Variants in DEF8 observed in about 807,000 individuals in gnomAD.
DEF8 encodes the protein differentially expressed in FDCP 8 homolog, also known as DEF-8.
A neutral mutation model predicts 59.1 loss-of-function variants in DEF8; 38 were observed. The observed-to-expected ratio is 0.64, with a 90% CI of 0.50 to 0.84. The LOEUF is 0.84. Among genes scored for constraint, DEF8 ranks in the 40% least tolerant of loss-of-function variants. The pLI is 0.00. For missense variants in DEF8, 557 were observed against 615.2 expected (o/e 0.91, Z 1.00); for synonymous variants, 265 against 250.1 (o/e 1.06, Z -0.56).
chr16:89,951,371 A>C (rs984396014), intron 2 of DEF8, among the ~76,000 whole-genome samples: 2 of 151,972 alleles, frequency 1.3e-5, no homozygotes, highest in African/African-American at 4.8e-5. Flanking sequence ...CAGCCTCCCA[A>C]GTAGCTGGGA....
At position 89,954,802 on chromosome 16, in the gene DEF8, CTG is replaced by C. The variant is rs1567788835; in HGVS notation, c.125-366_125-365del. On this transcript the variant is annotated intron_variant, in intron 3 of 12. Coordinates refer to ENST00000563594, the MANE Select transcript of DEF8 (RefSeq NM_001242818.2). This position sits in a 1 kb window ranked among gnomAD's most constrained non-coding sequence, Gnocchi z 4.3. Reference sequence around the variant, plus strand: ...CTGCAGAGACGGCCTGGAGTCGACACTGGGGTTCGTGGATTTTGCTGTGTAGC... The same window carrying C: ...CTGCAGAGACGGCCTGGAGTCGACACGGGTTCGTGGATTTTGCTGTGTAGC... Among the ~76,000 whole-genome samples, 2 of 152,298 alleles carry C rather than the reference CTG, an allele frequency of 1.3e-5. No individual in the cohort carries two copies. The highest frequency in any genetic ancestry group is 2.1e-4 in the South Asian group (1 of 4,832).
chr16:89,951,872 G>T (rs936363719), intron 2 of DEF8, among the ~76,000 whole-genome samples: 2 of 149,830 alleles, frequency 1.3e-5, no homozygotes, highest in African/African-American at 5.0e-5. Context: ...ACATATTTAT[G>T]TAAAAAAGAT....
chr16:89,952,166 G>A (rs547201028), intron 2 of DEF8, among the ~76,000 whole-genome samples: 1 of 152,182 alleles, frequency 6.6e-6, no homozygotes, highest in East Asian at 1.9e-4. Context: ...CGTGAGCCAC[G>A]GCGCCCAGCC....
At chr16:89,959,760 G>A (rs148550197) in intron 6 of DEF8, among the ~76,000 whole-genome samples, 6 of 152,176 alleles carry the variant, frequency 3.9e-5, no homozygotes, top group Admixed American at 3.9e-4. Flanking sequence ...GCCTCCCAAA[G>A]TGCTGGGATT....
chr16:89,962,135 G>A lies in DEF8; in HGVS notation c.921+10G>A, dbSNP rs977967975. 1.9e-6 allele frequency: 3 copies of A among 1,611,738 alleles called. No individual in the cohort carries two copies. The highest frequency in any genetic ancestry group is 2.7e-5 in the African/African-American group (2 of 74,852). ...GCTGGTGGAGATTCGCGTGAGGCTG[G>A]GGCCATGGAAGTGGGGGGCGGGGGC... On this transcript the variant is annotated intron_variant, in intron 9 of 12. Transcript: ENST00000563594.
Position 89,964,178 on chromosome 16 carries a change from T to C in DEF8, c.1011T>C (p.Asp337=), listed in dbSNP as rs763145676. The C allele has an allele frequency of 1.2e-6, 2 of 1,613,718 alleles. No individual in the cohort carries two copies. The highest frequency in any genetic ancestry group is 1.7e-6 in the Non-Finnish European group (2 of 1,179,900). ...CTGCTGGGACTTGGCAGCTCCAGGA[T>C]CGGCAGCATTTTGTGGAGAACGACG... ...MEARLLLQLQ[D]RQHFVENDEM... The change falls in exon 11 of 13, where the codon GAT becomes GAC. Residue 337 remains aspartate, a synonymous_variant. Transcript: ENST00000563594.
At position 89,964,574 on chromosome 16, in the gene DEF8, A is replaced by G; in HGVS notation, c.1252A>G (p.Arg418Gly). The G allele has an allele frequency of 6.4e-7, 1 of 1,561,970 alleles. No homozygotes were observed. Among genetic ancestry groups the G allele is most frequent in the East Asian group, 2.4e-5 (1 of 41,516 alleles). Residue 418 changes from arginine (R) to glycine (G), a missense_variant and splice_region_variant, in exon 12 of 13, where the codon AGG (arginine) becomes GGG (glycine). Physicochemically the swap from Arg to Gly is moderately radical, Grantham distance 125 (BLOSUM62 -2). Transcript: ENST00000563594. ...CGCCGACTGCTCCGCGGTCTTCCACAGGTGGGTGTGGCCTGGGCCCCGCAC... is the reference window on the plus strand; with the variant it reads ...CGCCGACTGCTCCGCGGTCTTCCACGGGTGGGTGTGGCCTGGGCCCCGCAC... ...VCADCSAVFH[R>G]DCYYDNSTTC...
rs746330436 is a variant in DEF8, at chr16:89,967,212, C to G, written c.*1249C>G. 1.5e-5 allele frequency: 6 copies of G among 398,444 alleles called. No homozygotes were observed. Among genetic ancestry groups the G allele is most frequent in the Admixed American group, 4.4e-5 (1 of 22,714 alleles). The allele number at this position is 398,444 out of a possible 1,614,324, so 24.7% of individuals were successfully genotyped here. On this transcript the variant is annotated 3_prime_UTR_variant, in exon 13 of 13. Transcript: ENST00000563594. Reference sequence around the variant, plus strand: ...CTTTTCCCCCACACCCTGGACTGTGCTTGGCTGTTGGTGCACATGGTTGGC... The same window carrying G: ...CTTTTCCCCCACACCCTGGACTGTGGTTGGCTGTTGGTGCACATGGTTGGC...
At position 89,968,057 on chromosome 16, in the gene DEF8, T is replaced by C. The variant is rs1473527505; in HGVS notation, c.*2094T>C. ...TCACTGTCTCATTAAATATACATCC[T>C]TTAGCCTGGTGTGTGTGTGGTGAAT... On this transcript the variant is annotated 3_prime_UTR_variant, in exon 13 of 13. Transcript: ENST00000563594. The C allele has an allele frequency of 6.6e-6, 1 of 152,306 alleles. No homozygotes were observed. The highest frequency in any genetic ancestry group is 1.5e-5 in the Non-Finnish European group (1 of 68,082). The allele number at this position is 152,306 out of a possible 1,614,324, so 9.4% of individuals were successfully genotyped here.
chr16:89,952,217 A>G (rs11859206), intron 2 of DEF8, among the ~76,000 whole-genome samples: 1 of 152,082 alleles, frequency 6.6e-6, no homozygotes, highest in Non-Finnish European at 1.5e-5. Flanking sequence ...GCCTCATTGC[A>G]TTGGGCCTGG....
At chr16:89,955,889 G>A (rs1313412274) in intron 4 of DEF8, among the ~76,000 whole-genome samples, 6 of 151,746 alleles carry the variant, frequency 4.0e-5, no homozygotes, top group South Asian at 2.1e-4. Flanking sequence ...TGGCTAACAC[G>A]GTGAAACCCC....
At position 89,954,167 on chromosome 16, in the gene DEF8, G is replaced by C; in HGVS notation, c.-10-76G>C. On this transcript the variant is annotated intron_variant, in intron 2 of 12. Coordinates refer to ENST00000563594, the MANE Select transcript of DEF8 (RefSeq NM_001242818.2). The surrounding 1 kb of genome is among the most constrained non-coding windows in gnomAD (Gnocchi z 4.3). ...GGCCAGCCTCACCCCAGACACCCCA[G>C]TGTGGTTGGGGAAAGGGGGTGGTCC... 4 of 1,529,250 alleles carry C rather than the reference G, an allele frequency of 2.6e-6. No homozygotes were observed. Among genetic ancestry groups the C allele is most frequent in the Non-Finnish European group, 3.6e-6 (4 of 1,121,010 alleles). 94.7% of individuals were successfully genotyped at this position (1,529,250 alleles called of 1,614,324 possible).
At chr16:89,949,562 C>G (rs1390159150) in intron 2 of DEF8, 49 bp downstream of exon 2, 1 of 1,613,416 alleles carries the variant, frequency 6.2e-7, no homozygotes, top group South Asian at 1.1e-5. Flanking sequence ...GGTGACTTCT[C>G]AGGTTCTCGG....
chr16:89,956,068 G>A (rs1029368088), intron 4 of DEF8, among the ~76,000 whole-genome samples: 5 of 147,566 alleles, frequency 3.4e-5, no homozygotes, highest in African/African-American at 5.3e-5. Flanking sequence ...GTGAGACTCC[G>A]TCTCAAAGAA....
At chr16:89,950,629 T>A (rs879279694) in intron 2 of DEF8, among the ~76,000 whole-genome samples, 5 of 152,010 alleles carry the variant, frequency 3.3e-5, no homozygotes, top group African/African-American at 4.8e-5. Flanking sequence ...CCTCAAATGA[T>A]CCACCCGCCT....
rs1455658714 is a variant in DEF8, at chr16:89,964,474, G to C, written c.1152G>C (p.Gln384His). 6.3e-7 allele frequency: 1 copy of C among 1,592,434 alleles called. No homozygotes were observed. ...KHIKLDCERC[Q>H]AKGFVCELCR... ...CACACTGTTCCCCCCAGCGGTGCCA[G>C]GCCAAGGGCTTCGTGTGTGAGCTCT... The change falls in exon 12 of 13, where the codon CAG becomes CAC. Residue 384 changes from glutamine (Q) to histidine (H), a missense_variant. Physicochemically the swap from Gln to His is conservative, Grantham distance 24. Coordinates refer to ENST00000563594, the MANE Select transcript of DEF8 (RefSeq NM_001242818.2).
At chr16:89,955,888 C>T (rs146531403) in intron 4 of DEF8, among the ~76,000 whole-genome samples, 2,311 of 148,634 alleles carry the variant, frequency 0.016, 62 homozygotes, top group African/African-American at 0.054. Flanking sequence ...CTGGCTAACA[C>T]GGTGAAACCC....
At chr16:89,962,526 G>A (rs532968473) in intron 9 of DEF8, among the ~76,000 whole-genome samples, 53 of 152,206 alleles carry the variant, frequency 3.5e-4, no homozygotes, top group South Asian at 4.1e-4. Context: ...GCATGGTGGT[G>A]TGTGCCTGTA....
In DEF8 at chr16:89,950,408, A is replaced by G. The variant is rs1022744847; in HGVS notation, c.-11+895A>G. 49 of 770,530 alleles carry G rather than the reference A, an allele frequency of 6.4e-5. No homozygotes were observed. The African/African-American group carries it at 9.3e-4, about 15-fold the overall frequency. The allele number at this position is 770,530 out of a possible 1,614,324, so 47.7% of individuals were successfully genotyped here. On this transcript the variant is annotated intron_variant, in intron 2 of 12. Coordinates refer to ENST00000563594, the MANE Select transcript of DEF8 (RefSeq NM_001242818.2). ...AGGGCTGATTTTTTTTTTTTTTTTG[A>G]GATGGAGTTTTGCTGTGTTGCCTAG...
Sources: allele counts gnomAD v4.1 joint callset (sites outside exome capture counted in the v4.1 genomes callset), GRCh38; gene constraint gnomAD v4.1.1; non-coding constraint Gnocchi (gnomAD v3.1); transcripts MANE v1.5; gene names NCBI Gene and HGNC (gene_info 2026-07-23, HGNC 2026-07-21).